The following CCDC171 variants were observed in gnomAD, a reference collection of about 807,000 sequenced individuals.
CCDC171 encodes coiled-coil domain-containing protein 171.
Under a neutral mutation model 168.2 loss-of-function variants are expected in CCDC171, and 177 were observed. That is an observed-to-expected ratio of 1.05 (90% CI 0.93 to 1.19). CCDC171 has a LOEUF of 1.19. CCDC171 is among the 50% of genes most tolerant of loss of function. The pLI is 0.00. For missense variants in CCDC171, 1,991 were observed against 1,539.0 expected (o/e 1.29, Z -4.91); for synonymous variants, 687 against 540.8 (o/e 1.27, Z -3.75).
intron 3 of CCDC171, among the ~76,000 whole-genome samples, chr9:15,982,971 C>T (rs1050042696): frequency 2.0e-5 from 3 of 152,110 alleles, no homozygotes; most frequent in Non-Finnish European, 2.9e-5. Context: ...ATATTAACAT[C>T]CATTCTCTCT....
intron 16 of CCDC171, among the ~76,000 whole-genome samples, chr9:15,744,046 A>G (rs1411614906): frequency 1.3e-5 from 2 of 152,224 alleles, no homozygotes; most frequent in African/African-American, 4.8e-5. Context: ...CTTTACATAA[A>G]GCTTCTATGT....
At chr9:15,960,660 C>T (rs1308180260) in intron 25 of CCDC171, among the ~76,000 whole-genome samples, 1 of 152,150 alleles carries the variant, frequency 6.6e-6, no homozygotes, top group Non-Finnish European at 1.5e-5. Context: ...AAGGAAATGT[C>T]ATTGCCAACT....
At chr9:16,018,721 T>G (rs1833092285) in intron 3 of CCDC171, among the ~76,000 whole-genome samples, 1 of 152,244 alleles carries the variant, frequency 6.6e-6, no homozygotes, top group African/African-American at 2.4e-5. Context: ...TCAATTCCCT[T>G]AATTCATTGG....
At chr9:15,898,602 CTTGTTTAT>C (rs554363649) in intron 24 of CCDC171, among the ~76,000 whole-genome samples, 2 of 152,082 alleles carry the variant, frequency 1.3e-5, no homozygotes, top group Non-Finnish European at 2.9e-5. Flanking sequence ...TTATTCTCTT[CTTGTTTAT>C]TTGTTTCTAA....
intron 25 of CCDC171, among the ~76,000 whole-genome samples, chr9:15,940,639 CT>C (rs1827607291): frequency 2.6e-5 from 4 of 151,970 alleles, no homozygotes; most frequent in Admixed American, 1.3e-4. Flanking sequence ...TTCACTGTTA[CT>C]ATAGCTTTAT....
At chr9:15,705,564 C>T (rs746441143) in intron 11 of CCDC171, among the ~76,000 whole-genome samples, 42 of 152,158 alleles carry the variant, frequency 2.8e-4, no homozygotes, top group Non-Finnish European at 5.3e-4. Context: ...CTGTATAGCT[C>T]TCTTTCTTGT....
chr9:15,739,530 A>G (rs2054711942), intron 16 of CCDC171, among the ~76,000 whole-genome samples: 1 of 152,178 alleles, frequency 6.6e-6, no homozygotes, highest in African/African-American at 2.4e-5. Context: ...ATTATCAGTA[A>G]AACTGTGCCA....
intron 3 of CCDC171, among the ~76,000 whole-genome samples, chr9:15,983,480 TTGTG>T (rs56910418): frequency 0.3 from 43,797 of 143,678 alleles, 6,364 homozygotes; most frequent in African/African-American, 0.36. Flanking sequence ...TTGTGATCAG[TTGTG>T]TGTGTGTGTG....
intron 18 of CCDC171, among the ~76,000 whole-genome samples, chr9:15,750,357 C>G (rs1436232840): frequency 6.6e-6 from 1 of 152,058 alleles, no homozygotes; most frequent in African/African-American, 2.4e-5. Flanking sequence ...AGCCCAGGAC[C>G]AGATGTATTC....
chr9:15,647,788 G>A (rs1400792060), intron 7 of CCDC171, among the ~76,000 whole-genome samples: 2 of 152,150 alleles, frequency 1.3e-5, no homozygotes, highest in African/African-American at 2.4e-5. Flanking sequence ...TCCAGGACCA[G>A]ACGATTCACA....
chr9:15,736,195 T>C (rs1254626389), intron 16 of CCDC171, among the ~76,000 whole-genome samples: 1 of 152,210 alleles, frequency 6.6e-6, no homozygotes, highest in Admixed American at 6.5e-5. Flanking sequence ...GTGAATGTTA[T>C]GGACTGTTTT....
chr9:16,071,083 CAGGAGCCGTCACAG>C, the CCDC171 span, among the ~76,000 whole-genome samples: 3 of 152,102 alleles, frequency 2.0e-5, no homozygotes, highest in African/African-American at 7.2e-5. Context: ...CTGGAGCTCC[CAGGAGCCGTCACAG>C]TGAGAGAGGC....
chr9:15,634,209 A>G (rs1451578461), intron 7 of CCDC171, among the ~76,000 whole-genome samples: 1 of 151,884 alleles, frequency 6.6e-6, no homozygotes, highest in East Asian at 1.9e-4. Context: ...CCAAACACAC[A>G]AAAAAAAGAA....
chr9:15,916,299 A>T (rs1027027105), intron 24 of CCDC171, among the ~76,000 whole-genome samples: 2 of 151,916 alleles, frequency 1.3e-5, no homozygotes, highest in Non-Finnish European at 2.9e-5. Flanking sequence ...ATTAATACTC[A>T]TTTAATTTCT....
the CCDC171 span, among the ~76,000 whole-genome samples, chr9:16,068,114 G>C: frequency 6.8e-6 from 1 of 146,960 alleles, no homozygotes; most frequent in Non-Finnish European, 1.5e-5. Flanking sequence ...CAAAGTCTCA[G>C]GATACAAAAT....
chr9:15,575,600 G>A (rs1279379433), intron 3 of CCDC171, among the ~76,000 whole-genome samples: 1 of 152,166 alleles, frequency 6.6e-6, no homozygotes, highest in Non-Finnish European at 1.5e-5. Flanking sequence ...GGAGTCCTCA[G>A]AGAAATCAGG....
chr9:15,593,967 T>C (rs2042163928), intron 5 of CCDC171, 74 bp from the exon 6 acceptor site: 1 of 986,986 alleles, frequency 1.0e-6, no homozygotes, highest in Non-Finnish European at 1.5e-6. Context: ...AGCCTCTTTG[T>C]ACATTTAAAC....
chr9:15,765,430 A>T (rs1361153212), intron 18 of CCDC171, among the ~76,000 whole-genome samples: 1 of 152,180 alleles, frequency 6.6e-6, no homozygotes, highest in African/African-American at 2.4e-5. Context: ...AGTTGATGAA[A>T]GGGATGGGAT....
At chr9:16,095,129 A>G in the CCDC171 span, among the ~76,000 whole-genome samples, 95 of 152,292 alleles carry the variant, frequency 6.2e-4, no homozygotes, top group East Asian at 1.4e-3. Context: ...TCTTTTCTTT[A>G]TAAATGTCTG....
Sources: gnomAD v4.1 joint callset for allele counts (sites outside exome capture counted in the v4.1 genomes callset) on GRCh38, gnomAD v4.1.1 for gene constraint, MANE v1.5 for transcripts, NCBI Gene and HGNC (gene_info 2026-07-23, HGNC 2026-07-21) for gene names.